PKNOX2: variants seen among roughly 807,000 people sequenced by gnomAD.
The protein encoded by PKNOX2 is PBX/knotted 1 homeobox 2.
PKNOX2 carries 14 observed loss-of-function variants against 53.1 expected under a neutral mutation model. The ratio of observed to expected loss-of-function variants is 0.26; its 90% confidence interval spans 0.17 to 0.41. The LOEUF (loss-of-function observed/expected upper bound fraction) is 0.41, where lower values mean the gene tolerates loss of function less well. Among genes scored for constraint, PKNOX2 ranks in the 10% least tolerant of loss-of-function variants. The pLI is 1.00. For missense variants in PKNOX2, 496 were observed against 602.8 expected (o/e 0.82, Z 1.85); for synonymous variants, 257 against 242.8 (o/e 1.06, Z -0.54).
At chr11:125,187,539 C>A (rs1454135026) in intron 1 of PKNOX2, among the ~76,000 whole-genome samples, 1 of 152,152 alleles carries the variant, frequency 6.6e-6, no homozygotes, top group Admixed American at 6.5e-5. Flanking sequence ...GTATACTTTG[C>A]TGAATGCTTA....
At chr11:125,216,856 C>T (rs1158908146) in intron 1 of PKNOX2, among the ~76,000 whole-genome samples, 2 of 152,122 alleles carry the variant, frequency 1.3e-5, no homozygotes, top group Non-Finnish European at 2.9e-5. Context: ...CAACAGGGGA[C>T]CTTGTTAAAG....
chr11:125,212,449 CTTTTT>C (rs796083611), intron 1 of PKNOX2, among the ~76,000 whole-genome samples: 132 of 105,388 alleles, frequency 1.3e-3, no homozygotes, highest in Non-Finnish European at 1.7e-3. Context: ...GGAGGGGATT[CTTTTT>C]TTTTTTTTTT....
At chr11:125,244,404 C>A (rs1030286292) in intron 2 of PKNOX2, among the ~76,000 whole-genome samples, 1 of 152,172 alleles carries the variant, frequency 6.6e-6, no homozygotes, top group Non-Finnish European at 1.5e-5. Flanking sequence ...GCTGCCTCCC[C>A]TTATCCCCAA....
At chr11:125,430,368 C>T (rs376215128) in intron 12 of PKNOX2, among the ~76,000 whole-genome samples, 2 of 152,134 alleles carry the variant, frequency 1.3e-5, no homozygotes, top group South Asian at 2.1e-4. Context: ...TTGGTGGTCA[C>T]GCAAGTCAGT....
intron 6 of PKNOX2, among the ~76,000 whole-genome samples, chr11:125,387,863 G>T (rs920538188): frequency 6.6e-6 from 1 of 152,118 alleles, no homozygotes; most frequent in Non-Finnish European, 1.5e-5. Context: ...TGCTATCTGA[G>T]CCTCACCACT....
At chr11:125,351,232 G>GC (rs1337967056) in intron 3 of PKNOX2, 52 bp from the exon 4 acceptor site, 1 of 816,936 alleles carries the variant, frequency 1.2e-6, no homozygotes, top group Non-Finnish European at 2.1e-6. Context: ...GGTGCCCAGG[G>GC]CGGGCCTGCT....
At chr11:125,279,364 G>A (rs377056869) in intron 2 of PKNOX2, among the ~76,000 whole-genome samples, 3 of 152,244 alleles carry the variant, frequency 2.0e-5, no homozygotes, top group East Asian at 1.9e-4. Flanking sequence ...AAAACCTAGC[G>A]GGGAACATCA....
At chr11:125,206,477 G>A (rs1939125340) in intron 1 of PKNOX2, among the ~76,000 whole-genome samples, 1 of 152,124 alleles carries the variant, frequency 6.6e-6, no homozygotes, top group African/African-American at 2.4e-5. Context: ...GAGTGGGAAA[G>A]CAGGCAGGGC....
chr11:125,217,072 C>G (rs1202816991), intron 1 of PKNOX2, among the ~76,000 whole-genome samples: 1 of 151,630 alleles, frequency 6.6e-6, no homozygotes, highest in East Asian at 1.9e-4. Context: ...CACACCCAGT[C>G]ATACACACAG....
intron 2 of PKNOX2, among the ~76,000 whole-genome samples, chr11:125,251,579 T>C (rs1643802910): frequency 6.6e-6 from 1 of 151,872 alleles, no homozygotes; most frequent in African/African-American, 2.4e-5. Context: ...AGTCCCTTTA[T>C]TGATGAGACT....
At chr11:125,371,417 G>C (rs112044186) in intron 5 of PKNOX2, among the ~76,000 whole-genome samples, 11,533 of 152,060 alleles carry the variant, frequency 0.076, 1,241 homozygotes, top group African/African-American at 0.24. Flanking sequence ...TGAACCACAA[G>C]CCCCACCCGC....
chr11:125,229,896 G>C (rs763622763), intron 1 of PKNOX2, among the ~76,000 whole-genome samples: 1 of 152,222 alleles, frequency 6.6e-6, no homozygotes, highest in Non-Finnish European at 1.5e-5. Flanking sequence ...CCCAGGCTTG[G>C]AGGGTAAATT....
At chr11:125,350,202 T>A (rs1163257317) in intron 3 of PKNOX2, among the ~76,000 whole-genome samples, 1 of 152,232 alleles carries the variant, frequency 6.6e-6, no homozygotes, top group Admixed American at 6.5e-5. Flanking sequence ...GAGCATCTAC[T>A]GCAGCACAAC....
At chr11:125,410,902 T>C (rs1399182273) in intron 9 of PKNOX2, 26 bp downstream of exon 9, 1 of 1,588,424 alleles carries the variant, frequency 6.3e-7, no homozygotes, top group African/African-American at 1.3e-5. Flanking sequence ...TGTGTGCACA[T>C]GTGCATGGTG....
chr11:125,382,226 T>G (rs1006481613), intron 5 of PKNOX2, among the ~76,000 whole-genome samples: 6 of 152,250 alleles, frequency 3.9e-5, no homozygotes, highest in Admixed American at 3.9e-4. Context: ...AGCACAACAC[T>G]GCGTGTGCAC....
intron 1 of PKNOX2, among the ~76,000 whole-genome samples, chr11:125,194,043 G>A (rs1401160901): frequency 6.6e-6 from 1 of 152,194 alleles, no homozygotes; most frequent in African/African-American, 2.4e-5. Flanking sequence ...GCTGCCGGCA[G>A]GGCCCCGTAG....
At chr11:125,281,254 T>C (rs1054212061) in intron 2 of PKNOX2, among the ~76,000 whole-genome samples, 1 of 152,194 alleles carries the variant, frequency 6.6e-6, no homozygotes, top group Non-Finnish European at 1.5e-5. Flanking sequence ...ATGCGTGGTA[T>C]GGCCGTGTGT....
intron 2 of PKNOX2, among the ~76,000 whole-genome samples, chr11:125,271,577 G>T (rs1350927183): frequency 6.6e-6 from 1 of 152,216 alleles, no homozygotes; most frequent in African/African-American, 2.4e-5. Context: ...AGAGCACTCT[G>T]CTCACTTGGT....
At chr11:125,356,523 C>A (rs1054672086) in intron 4 of PKNOX2, among the ~76,000 whole-genome samples, 4 of 152,230 alleles carry the variant, frequency 2.6e-5, no homozygotes, top group African/African-American at 4.8e-5. Context: ...CTCCCATTCC[C>A]CTCACCCCGA....
Sources: gnomAD v4.1 joint callset for allele counts (sites outside exome capture counted in the v4.1 genomes callset) on GRCh38, gnomAD v4.1.1 for gene constraint, MANE v1.5 for transcripts, NCBI Gene and HGNC (gene_info 2026-07-23, HGNC 2026-07-21) for gene names.